SMIM9: variants seen among roughly 807,000 people sequenced by gnomAD.
SMIM9 encodes chromosome X open reading frame 68.
In SMIM9, 8 loss-of-function variants were observed where a neutral mutation model predicts 7.2. The observed-to-expected ratio is 1.10, with a 90% CI of 0.65 to 1.99. SMIM9 has a LOEUF of 1.99. Among genes scored for constraint, SMIM9 ranks in the 30% most tolerant of loss-of-function variants. SMIM9 has a pLI of 0.00. For synonymous variants in SMIM9, 19 were observed against 26.4 expected (o/e 0.72, Z 0.86); for missense variants, 76 against 69.3 (o/e 1.10, Z -0.34).
At chrX:154,824,800 T>C (rs2072413933) in intron 4 of SMIM9, among the ~76,000 whole-genome samples, 1 of 112,232 alleles carries the variant, frequency 8.9e-6, no homozygotes, top group South Asian at 3.7e-4. Context: ...TTTCCACCTC[T>C]GCTTCTGGAA....
intron 4 of SMIM9, among the ~76,000 whole-genome samples, chrX:154,828,900 G>A (rs1390433754): frequency 1.8e-5 from 2 of 111,194 alleles, no homozygotes; most frequent in Admixed American, 9.6e-5. Context: ...TTGCAAACTG[G>A]CCAACTATTT....
chrX:154,824,370 AAAAAAAGAAAAAG>A (rs2072411704), intron 4 of SMIM9, among the ~76,000 whole-genome samples: 1 of 106,360 alleles, frequency 9.4e-6, no homozygotes, highest in Non-Finnish European at 1.9e-5. Flanking sequence ...AAAAAAAAAA[AAAAAAAGAAAAAG>A]AAAAAAAAGA....
At chrX:154,824,369 A>AG (rs1263817647) in intron 4 of SMIM9, among the ~76,000 whole-genome samples, 4 of 105,138 alleles carry the variant, frequency 3.8e-5, no homozygotes, top group Admixed American at 1.0e-4. Context: ...AAAAAAAAAA[A>AG]AAAAAAAGAA....
intron 4 of SMIM9, among the ~76,000 whole-genome samples, chrX:154,824,497 T>C (rs147254071): frequency 0.012 from 1,328 of 111,208 alleles, 14 homozygotes; most frequent in Middle Eastern, 0.033. Flanking sequence ...CAATGTCTAA[T>C]ACTTGGGTTA....
At chrX:154,825,391 CAA>C (rs35510627) in intron 4 of SMIM9, among the ~76,000 whole-genome samples, 4 of 71,697 alleles carry the variant, frequency 5.6e-5, no homozygotes, top group African/African-American at 5.7e-5. Context: ...GACTTCACCT[CAA>C]AAAAAAAAAA....
chrX:154,824,571 T>G (rs1470347071), intron 4 of SMIM9, among the ~76,000 whole-genome samples: 2 of 111,515 alleles, frequency 1.8e-5, no homozygotes, highest in Admixed American at 1.9e-4. Context: ...AAACTATATA[T>G]CTTCTGTTAT....
intron 3 of SMIM9, 119 bp from the exon 4 acceptor site, chrX:154,829,783 G>A: frequency 1.3e-6 from 1 of 784,494 alleles, no homozygotes. Flanking sequence ...CAGTTGTCCA[G>A]AGCCCATATT....
chrX:154,833,796 A>G (rs782532804), intron 1 of SMIM9, among the ~76,000 whole-genome samples: 1 of 112,422 alleles, frequency 8.9e-6, no homozygotes, highest in African/African-American at 3.2e-5. Flanking sequence ...TATTAAAAAA[A>G]TTAAAAAAAT....
intron 4 of SMIM9, among the ~76,000 whole-genome samples, chrX:154,826,481 T>C (rs1349184326): frequency 8.9e-6 from 1 of 112,132 alleles, no homozygotes; most frequent in African/African-American, 3.2e-5. Flanking sequence ...GGTCTCAAAC[T>C]CCTGGCCTTA....
Position 154,830,912 on chromosome X carries a change from A to G in SMIM9, c.-56T>C. 4.5e-6 allele frequency: 5 copies of G among 1,109,712 alleles called. No individual in the cohort carries two copies. Among genetic ancestry groups the G allele is most frequent in the Non-Finnish European group, 6.0e-6 (5 of 833,688 alleles). The allele number at this position is 1,109,712 out of a possible 1,213,427, so 91.5% of individuals were successfully genotyped here. A position where few individuals can be genotyped will look rare whatever the true frequency, so the allele number is the denominator to read the frequency against. ...CTGGTAATCCTAGCTCACTCTGCCAAGGAGAGATGTCTTTGTCCGTAGGTC... is the reference window on the plus strand; with the variant it reads ...CTGGTAATCCTAGCTCACTCTGCCAGGGAGAGATGTCTTTGTCCGTAGGTC... On this transcript the variant is annotated 5_prime_UTR_variant, in exon 3 of 5. Transcript: ENST00000369529.
chrX:154,832,420 G>T (rs782355752), intron 2 of SMIM9, among the ~76,000 whole-genome samples, 154 bp downstream of exon 2: 1 of 112,107 alleles, frequency 8.9e-6, no homozygotes, highest in Admixed American at 9.5e-5. Flanking sequence ...ACCTGTATCT[G>T]CTTACTTCTG....
At chrX:154,824,355 CAAAAAAA>C (rs375492512) in intron 4 of SMIM9, among the ~76,000 whole-genome samples, 639 of 42,420 alleles carry the variant, frequency 0.015, 8 homozygotes, top group African/African-American at 0.053. Context: ...GACTCCGTCT[CAAAAAAA>C]AAAAAAAAAA....
Position 154,823,565 on chromosome X carries a change from T to C in SMIM9, c.*190A>G, listed in dbSNP as rs1210268305. On this transcript the variant is annotated 3_prime_UTR_variant, in exon 5 of 5. Transcript: ENST00000369529. ...TGTATTACTATTATAACCAAAACAG[T>C]AATAAGGATATTCACATTTTAAAAT... is the stretch of plus-strand genomic sequence containing the variant. 3 of 362,241 alleles carry C rather than the reference T, an allele frequency of 8.3e-6. No individual in the cohort carries two copies. The highest frequency in any genetic ancestry group is 9.4e-6 in the Non-Finnish European group (2 of 212,911). The allele number at this position is 362,241 out of a possible 1,213,427, so 29.9% of individuals were successfully genotyped here.
intron 4 of SMIM9, among the ~76,000 whole-genome samples, chrX:154,824,780 G>C (rs1557270143): frequency 1.8e-5 from 2 of 112,135 alleles, no homozygotes; most frequent in African/African-American, 6.5e-5. Flanking sequence ...GAGCCTGTCA[G>C]TCCTCCTGAT....
At chrX:154,832,526 T>C (rs1223862574) in intron 2 of SMIM9, 48 bp downstream of exon 2, 1 of 112,194 alleles carries the variant, frequency 8.9e-6, no homozygotes, top group African/African-American at 3.2e-5. Flanking sequence ...ACTCACCTAC[T>C]GTTTGATACG....
chrX:154,829,233 C>G (rs2076644575), intron 4 of SMIM9, among the ~76,000 whole-genome samples: 1 of 111,597 alleles, frequency 9.0e-6, no homozygotes, highest in Middle Eastern at 4.7e-3. Context: ...GTTCTTGAGC[C>G]ACAGGGAAGA....
intron 4 of SMIM9, among the ~76,000 whole-genome samples, chrX:154,826,430 A>G (rs1000897747): frequency 2.7e-5 from 3 of 110,914 alleles, no homozygotes; most frequent in Admixed American, 9.6e-5. Context: ...AGCATTTACT[A>G]TTATTATTAT....
chrX:154,826,486 G>A (rs2072422441), intron 4 of SMIM9, among the ~76,000 whole-genome samples: 1 of 111,694 alleles, frequency 9.0e-6, no homozygotes, highest in South Asian at 3.7e-4. Context: ...CAAACTCCTG[G>A]CCTTAAGCAA....
At chrX:154,826,053 TA>T (rs1223662100) in intron 4 of SMIM9, among the ~76,000 whole-genome samples, 2 of 109,673 alleles carry the variant, frequency 1.8e-5, no homozygotes, top group Admixed American at 1.9e-4. Flanking sequence ...ACATGTACCC[TA>T]AAACTTAAAG....
Sources: allele counts gnomAD v4.1 joint callset (sites outside exome capture counted in the v4.1 genomes callset), GRCh38; gene constraint gnomAD v4.1.1; transcripts MANE v1.5; gene names NCBI Gene and HGNC (gene_info 2026-07-23, HGNC 2026-07-21).